The following PLD1 variants were observed in gnomAD, a reference collection of about 807,000 sequenced individuals.
PLD1 encodes the protein choline phosphatase 1.
PLD1 carries 112 observed loss-of-function variants against 137.1 expected under a neutral mutation model. The observed-to-expected ratio is 0.82, with a 90% CI of 0.70 to 0.96. The LOEUF (loss-of-function observed/expected upper bound fraction) is 0.96. PLD1 is among the 40% of genes least tolerant of loss of function. The probability of loss-of-function intolerance (pLI) is 0.00; values close to 1 mark genes in which losing one functional copy is unlikely to be tolerated. For missense variants in PLD1, 1,321 were observed against 1,342.0 expected, an observed-to-expected ratio of 0.98 and a Z score of 0.24; for synonymous variants, 431 against 454.7, an observed-to-expected ratio of 0.95 and a Z score of 0.66.
At chr3:171,728,248 A>G (rs775471504) in intron 6 of PLD1, among the ~76,000 whole-genome samples, 1 of 152,196 alleles carries the variant, frequency 6.6e-6, no homozygotes, top group Non-Finnish European at 1.5e-5. Flanking sequence ...CCCGGGAGGC[A>G]GAGGTTGCAG....
At chr3:171,792,319 C>A (rs1422117512) in intron 1 of PLD1, 1 of 319,814 alleles carries the variant, frequency 3.1e-6, no homozygotes, top group Non-Finnish European at 6.2e-6. Context: ...TTATTGGCCC[C>A]ATCATGCACC....
intron 11 of PLD1, among the ~76,000 whole-genome samples, 187 bp from the exon 12 acceptor site, chr3:171,700,013 C>A (rs1252846542): frequency 1.3e-5 from 2 of 151,834 alleles, no homozygotes; most frequent in African/African-American, 4.9e-5. Context: ...TTTAGCTATA[C>A]AAAACATCAA....
chr3:171,754,713 A>G (rs1229496543), intron 1 of PLD1, among the ~76,000 whole-genome samples: 1 of 152,224 alleles, frequency 6.6e-6, no homozygotes, highest in East Asian at 1.9e-4. Context: ...TAGAGATAAC[A>G]CTTCCATTTT....
intron 19 of PLD1, among the ~76,000 whole-genome samples, chr3:171,666,729 T>C (rs1712188560): frequency 6.6e-6 from 1 of 152,210 alleles, no homozygotes; most frequent in African/African-American, 2.4e-5. Context: ...ATATAGCTTA[T>C]CTTACCGTCC....
chr3:171,761,471 C>T (rs1009079023), intron 1 of PLD1, among the ~76,000 whole-genome samples: 1 of 152,276 alleles, frequency 6.6e-6, no homozygotes, highest in South Asian at 2.1e-4. Flanking sequence ...CTTCCTCCTC[C>T]AGACCTAGGC....
At chr3:171,729,356 G>T (rs7638141) in intron 6 of PLD1, among the ~76,000 whole-genome samples, 49,461 of 151,974 alleles carry the variant, frequency 0.33, 8,637 homozygotes, top group African/African-American at 0.41. Flanking sequence ...TACTAAAAAC[G>T]TTAGAGAAAC....
intron 1 of PLD1, chr3:171,792,767 TC>T (rs1334491552): frequency 2.7e-5 from 12 of 441,930 alleles, no homozygotes; most frequent in Middle Eastern, 3.3e-4. Flanking sequence ...AGCCCCACCC[TC>T]CCCCCAGATT....
intron 1 of PLD1, among the ~76,000 whole-genome samples, chr3:171,803,093 C>T (rs886457773): frequency 6.6e-6 from 1 of 152,148 alleles, no homozygotes; most frequent in African/African-American, 2.4e-5. Context: ...TTTAGCCAGA[C>T]TTTGGAACTA....
At chr3:171,721,785 GA>G (rs903532934) in intron 8 of PLD1, among the ~76,000 whole-genome samples, 69 of 140,884 alleles carry the variant, frequency 4.9e-4, no homozygotes, top group Middle Eastern at 3.6e-3. Context: ...CTCCATCTCA[GA>G]AAAAAAAAAA....
At chr3:171,765,827 C>G (rs1342068843) in intron 1 of PLD1, among the ~76,000 whole-genome samples, 1 of 152,192 alleles carries the variant, frequency 6.6e-6, no homozygotes, top group Non-Finnish European at 1.5e-5. Context: ...GAATTGTTAT[C>G]CAGACATCTG....
chr3:171,634,436 T>C (rs887672849), intron 23 of PLD1, among the ~76,000 whole-genome samples: 1 of 152,178 alleles, frequency 6.6e-6, no homozygotes, highest in East Asian at 1.9e-4. Flanking sequence ...ATATCTTTTA[T>C]AAATTTACTA....
At chr3:171,712,391 C>T (rs114409681) in intron 9 of PLD1, among the ~76,000 whole-genome samples, 244 of 152,266 alleles carry the variant, frequency 1.6e-3, no homozygotes, top group Non-Finnish European at 2.8e-3. Context: ...CTCGGAAAAA[C>T]AGTTATGAGA....
chr3:171,726,703 C>T (rs1396997461), intron 6 of PLD1, among the ~76,000 whole-genome samples: 1 of 152,148 alleles, frequency 6.6e-6, no homozygotes, highest in African/African-American at 2.4e-5. Flanking sequence ...TTAGGCCCAC[C>T]TTCACTGTAT....
At chr3:171,630,758 G>T (rs1049044922) in intron 23 of PLD1, among the ~76,000 whole-genome samples, 1 of 148,216 alleles carries the variant, frequency 6.7e-6, no homozygotes. Flanking sequence ...GTAAACTATC[G>T]CAAGAACAAA....
chr3:171,717,890 G>T (rs918657756), intron 8 of PLD1, among the ~76,000 whole-genome samples: 1 of 152,116 alleles, frequency 6.6e-6, no homozygotes, highest in African/African-American at 2.4e-5. Flanking sequence ...TATTATTTTG[G>T]AGTATGTTCC....
chr3:171,711,671 T>C (rs1035625679), intron 9 of PLD1, among the ~76,000 whole-genome samples: 3 of 151,910 alleles, frequency 2.0e-5, no homozygotes, highest in Non-Finnish European at 4.4e-5. Flanking sequence ...TTGGTGTGAG[T>C]GTGGGAGGTG....
intron 18 of PLD1, among the ~76,000 whole-genome samples, chr3:171,675,366 T>C (rs1713243160): frequency 6.6e-6 from 1 of 152,380 alleles, no homozygotes; most frequent in East Asian, 1.9e-4. Flanking sequence ...TAAGGATTTC[T>C]GTTATTTCTA....
chr3:171,768,899 G>A (rs1722161518), intron 1 of PLD1, among the ~76,000 whole-genome samples: 1 of 152,170 alleles, frequency 6.6e-6, no homozygotes, highest in South Asian at 2.1e-4. Flanking sequence ...TATGTTATGA[G>A]ACAAATGCTC....
chr3:171,647,426 G>A (rs1344655385), intron 21 of PLD1, among the ~76,000 whole-genome samples: 1 of 151,614 alleles, frequency 6.6e-6, no homozygotes, highest in Non-Finnish European at 1.5e-5. Flanking sequence ...TAAAATACAT[G>A]TAATATAAAA....
Sources: allele counts gnomAD v4.1 joint callset (sites outside exome capture counted in the v4.1 genomes callset), GRCh38; gene constraint gnomAD v4.1.1; transcripts MANE v1.5; gene names NCBI Gene and HGNC (gene_info 2026-07-23, HGNC 2026-07-21).